The following FOXN3 variants were observed in gnomAD, a reference collection of about 807,000 sequenced individuals.
FOXN3 encodes the protein forkhead box protein N3.
In FOXN3, 7 loss-of-function variants were observed where a neutral mutation model predicts 38.4. The ratio of observed to expected loss-of-function variants is 0.18; its 90% CI spans 0.10 to 0.34. FOXN3 has a LOEUF of 0.34. FOXN3 is among the 10% of genes least tolerant of loss of function. The pLI is 1.00. For missense variants in FOXN3, 456 were observed against 613.4 expected (o/e 0.74, Z 2.71); for synonymous variants, 230 against 242.2 (o/e 0.95, Z 0.47).
At chr14:89,355,230 T>C (rs1467099079) in intron 2 of FOXN3, 2 of 151,470 alleles carry the variant, frequency 1.3e-5, no homozygotes, top group Non-Finnish European at 2.9e-5. Flanking sequence ...GTAATTTTTT[T>C]TTTTCTTTTT....
intron 1 of FOXN3, among the ~76,000 whole-genome samples, chr14:89,617,098 C>G (rs1262170685): frequency 6.6e-6 from 1 of 152,066 alleles, no homozygotes; most frequent in Admixed American, 6.5e-5. Context: ...GGGGTTACTC[C>G]TCTCGGTTTC....
chr14:89,516,687 G>A (rs1031201236), intron 1 of FOXN3, among the ~76,000 whole-genome samples: 1 of 150,164 alleles, frequency 6.7e-6, no homozygotes, highest in Non-Finnish European at 1.5e-5. Flanking sequence ...TCAGCCTCCC[G>A]AGTAGCTGAG....
chr14:89,395,701 A>C (rs1335960433), intron 2 of FOXN3, among the ~76,000 whole-genome samples: 1 of 152,162 alleles, frequency 6.6e-6, no homozygotes, highest in Non-Finnish European at 1.5e-5. Flanking sequence ...AGTTATGAGA[A>C]AGTTTAGGAT....
intron 4 of FOXN3, among the ~76,000 whole-genome samples, chr14:89,276,789 G>C (rs1886312986): frequency 6.6e-6 from 1 of 152,242 alleles, no homozygotes; most frequent in South Asian, 2.1e-4. Flanking sequence ...AAAATGGTCA[G>C]GCAGTAGCTC....
chr14:89,529,940 A>G (rs1445197103), intron 1 of FOXN3, among the ~76,000 whole-genome samples: 1 of 125,346 alleles, frequency 8.0e-6, no homozygotes, highest in Non-Finnish European at 1.7e-5. Context: ...GAGACTGTGT[A>G]ATTTTTTTTT....
intron 4 of FOXN3, chr14:89,183,973 T>C (rs1772489309): frequency 6.6e-6 from 1 of 152,180 alleles, no homozygotes; most frequent in Admixed American, 6.5e-5. Context: ...TTAGCTGAGT[T>C]ACGGAAGGCA....
chr14:89,234,808 C>T (rs1475959392), intron 4 of FOXN3, among the ~76,000 whole-genome samples: 3 of 152,174 alleles, frequency 2.0e-5, no homozygotes, highest in African/African-American at 7.2e-5. Context: ...CACACCCCTG[C>T]ATTGTGCTTA....
chr14:89,386,388 G>A (rs1430154590), intron 2 of FOXN3, among the ~76,000 whole-genome samples: 1 of 152,220 alleles, frequency 6.6e-6, no homozygotes, highest in Non-Finnish European at 1.5e-5. Context: ...GGTCGTCCAC[G>A]GACAGCCGCA....
chr14:89,478,247 T>C (rs575972052), intron 1 of FOXN3, among the ~76,000 whole-genome samples: 28 of 152,298 alleles, frequency 1.8e-4, no homozygotes, highest in Admixed American at 1.1e-3. Flanking sequence ...GATTGGAAGC[T>C]TCCTGAGGCC....
At chr14:89,457,925 A>G (rs1892760097) in intron 1 of FOXN3, among the ~76,000 whole-genome samples, 1 of 150,990 alleles carries the variant, frequency 6.6e-6, no homozygotes, top group South Asian at 2.1e-4. Context: ...GAGGCAGGAG[A>G]ATTGCTTGAA....
chr14:89,555,838 G>GGTGTGTGTGTGTGTGT (rs201016882), intron 1 of FOXN3, among the ~76,000 whole-genome samples: 952 of 89,650 alleles, frequency 0.011, 64 homozygotes, highest in Admixed American at 0.033. Context: ...TCTAGTTCAT[G>GGTGTGTGTGTGTGTGT]GTGTGTGTGT....
At chr14:89,438,785 C>T (rs1328571503) in intron 1 of FOXN3, among the ~76,000 whole-genome samples, 1 of 149,938 alleles carries the variant, frequency 6.7e-6, no homozygotes, top group African/African-American at 2.5e-5. Context: ...TTTTTTGAGA[C>T]GATGTTTCAC....
At chr14:89,613,924 T>C (rs1896444432) in intron 1 of FOXN3, among the ~76,000 whole-genome samples, 1 of 152,268 alleles carries the variant, frequency 6.6e-6, no homozygotes, top group Non-Finnish European at 1.5e-5. Flanking sequence ...AATCTAGTGA[T>C]TGTGAAAATC....
chr14:89,367,748 A>C (rs1468578593), intron 2 of FOXN3, among the ~76,000 whole-genome samples: 1 of 152,240 alleles, frequency 6.6e-6, no homozygotes, highest in Non-Finnish European at 1.5e-5. Flanking sequence ...GAACAGTGGC[A>C]GCAACCACGT....
At chr14:89,526,847 T>C (rs1894441801) in intron 1 of FOXN3, among the ~76,000 whole-genome samples, 1 of 152,152 alleles carries the variant, frequency 6.6e-6, no homozygotes, top group Non-Finnish European at 1.5e-5. Context: ...TTAAGACTTA[T>C]AACACTATAA....
At chr14:89,473,441 G>A (rs1308237356) in intron 1 of FOXN3, among the ~76,000 whole-genome samples, 1 of 149,712 alleles carries the variant, frequency 6.7e-6, no homozygotes, top group African/African-American at 2.5e-5. Flanking sequence ...GCAGCTCACT[G>A]CAGCCTCGAA....
chr14:89,499,210 C>T (rs1474194001), intron 1 of FOXN3, among the ~76,000 whole-genome samples: 2 of 152,112 alleles, frequency 1.3e-5, no homozygotes, highest in African/African-American at 4.8e-5. Context: ...AGTGGCCTGG[C>T]TCCCACAGTT....
At chr14:89,402,070 A>G (rs916118480) in intron 2 of FOXN3, among the ~76,000 whole-genome samples, 1 of 152,224 alleles carries the variant, frequency 6.6e-6, no homozygotes, top group East Asian at 1.9e-4. Flanking sequence ...CAATCCATCA[A>G]GTTATTACTA....
intron 4 of FOXN3, among the ~76,000 whole-genome samples, chr14:89,230,551 T>C (rs779785969): frequency 2.0e-5 from 3 of 152,262 alleles, no homozygotes; most frequent in African/African-American, 4.8e-5. Context: ...GACTTGTGCC[T>C]AGCACTAAGT....
Sources: allele counts gnomAD v4.1 joint callset (sites outside exome capture counted in the v4.1 genomes callset), GRCh38; gene constraint gnomAD v4.1.1; transcripts MANE v1.5; gene names NCBI Gene and HGNC (gene_info 2026-07-23, HGNC 2026-07-21).